The following ZNF181 variants were observed in gnomAD, a reference collection of about 807,000 sequenced individuals.
ZNF181 encodes the protein zinc finger protein 181 (HHZ181).
A neutral mutation model predicts 11.9 loss-of-function variants in ZNF181; 8 were observed. The ratio of observed to expected loss-of-function variants is 0.67; its 90% CI spans 0.39 to 1.21. ZNF181 has a LOEUF of 1.21. Among genes scored for constraint, ZNF181 ranks in the 50% most tolerant of loss-of-function variants. The pLI is 0.01. For synonymous variants in ZNF181, 202 were observed against 221.1 expected (o/e 0.91, Z 0.77); for missense variants, 542 against 670.9 (o/e 0.81, Z 2.12).
In ZNF181 at chr19:34,743,924, C is replaced by T. The variant is rs965080848; in HGVS notation, c.*1827C>T. The T allele has an allele frequency of 3.3e-5, 5 of 152,218 alleles. No homozygotes were observed. The highest frequency in any genetic ancestry group is 1.2e-4 in the African/African-American group (5 of 41,456). 9.4% of individuals were successfully genotyped at this position (152,218 alleles called of 1,614,324 possible). A position where few individuals can be genotyped will look rare whatever the true frequency, so the allele number is the denominator to read the frequency against. On this transcript the variant is annotated 3_prime_UTR_variant, in exon 4 of 4. Transcript: ENST00000492450. ...CTAGATAAGAAATGGAACAGTCTCA[C>T]TGGCCCTGTGATTAGAATCCTATCT...
In ZNF181 at chr19:34,743,712, T is replaced by A. The variant is rs1487356664; in HGVS notation, c.*1615T>A. The A allele has an allele frequency of 6.6e-6, 1 of 152,148 alleles. No homozygotes were observed. The highest frequency in any genetic ancestry group is 1.5e-5 in the Non-Finnish European group (1 of 68,022). The allele number at this position is 152,148 out of a possible 1,614,324, so 9.4% of individuals were successfully genotyped here. ...TATCCCTGAGTCATAGTTACGGGAG[T>A]TTACCTTGAAATCACTAGCCCAGAA... On this transcript the variant is annotated 3_prime_UTR_variant, in exon 4 of 4. Coordinates refer to ENST00000492450, the MANE Select transcript of ZNF181 (RefSeq NM_001029997.4).
chr19:34,745,199 T>TTTCTTTTTA lies in ZNF181; in HGVS notation c.*3102_*3103insTTCTTTTTA, dbSNP rs1435548961. ...GGCTTAATAGATAAGAAACACTCCA[T>TTTCTTTTTA]ACCCTTTAAGAGCCCTGAGGTGTGT... is the stretch of plus-strand genomic sequence containing the variant. On this transcript the variant is annotated 3_prime_UTR_variant, in exon 4 of 4. Coordinates refer to ENST00000492450, the MANE Select transcript of ZNF181 (RefSeq NM_001029997.4). The TTTCTTTTTA allele has an allele frequency of 6.6e-6, 1 of 152,158 alleles. No homozygotes were observed. Among genetic ancestry groups the TTTCTTTTTA allele is most frequent in the African/African-American group, 2.4e-5 (1 of 41,450 alleles). The allele number at this position is 152,158 out of a possible 1,614,324, so 9.4% of individuals were successfully genotyped here. A position where few individuals can be genotyped will look rare whatever the true frequency, so the allele number is the denominator to read the frequency against.
In ZNF181 at chr19:34,742,593, G is replaced by A. The variant is rs2068996859; in HGVS notation, c.*496G>A. ...ATGGTAGAACAACCTGAAGGATTTA[G>A]GAGTTATGTGTAAATCTTTGCAGTC... On this transcript the variant is annotated 3_prime_UTR_variant, in exon 4 of 4. Transcript: ENST00000492450. 1 of 152,416 alleles carries A rather than the reference G, an allele frequency of 6.6e-6. No individual in the cohort carries two copies. The highest frequency in any genetic ancestry group is 2.4e-5 in the African/African-American group (1 of 41,464). The allele number at this position is 152,416 out of a possible 1,614,324, so 9.4% of individuals were successfully genotyped here.
At chr19:34,739,467 A>G (rs1191624897) in intron 2 of ZNF181, 56 bp from the exon 3 acceptor site, 3 of 1,604,580 alleles carry the variant, frequency 1.9e-6, no homozygotes, top group South Asian at 1.1e-5. Flanking sequence ...CCCTCTTGTG[A>G]TGGCCTCTCA....
intron 1 of ZNF181, chr19:34,736,086 A>G (rs1568481846): frequency 1.0e-5 from 7 of 702,484 alleles, no homozygotes; most frequent in Non-Finnish European, 1.8e-5. Flanking sequence ...TTCAGTACCC[A>G]GAGGGTTACC....
Position 34,734,963 on chromosome 19 carries a change from C to A in ZNF181, c.-75C>A. On this transcript the variant is annotated 5_prime_UTR_variant, in exon 1 of 4. Coordinates refer to ENST00000492450, the MANE Select transcript of ZNF181 (RefSeq NM_001029997.4). ...GACTGCTTTTTCCTGCCCTTCTGTG[C>A]CCTCAGGACACTGCCCATCTCTAAG... 2 of 1,488,058 alleles carry A rather than the reference C, an allele frequency of 1.3e-6. No individual in the cohort carries two copies. Among genetic ancestry groups the A allele is most frequent in the Admixed American group, 2.2e-5 (1 of 46,324 alleles). 92.2% of individuals were successfully genotyped at this position (1,488,058 alleles called of 1,614,324 possible). A position where few individuals can be genotyped will look rare whatever the true frequency, so the allele number is the denominator to read the frequency against.
chr19:34,741,748 T>G lies in ZNF181; in HGVS notation c.1367T>G (p.Ile456Ser), dbSNP rs149538866. Residue 456 changes from isoleucine (I) to serine (S), a missense_variant, in exon 4 of 4, where the codon ATT (isoleucine) becomes AGT (serine). By Grantham distance (142) the Ile-to-Ser change is moderately radical (BLOSUM62 -2). Transcript: ENST00000492450. ...CTGAATATGCATTTGAGAAATCACA[T>G]TAGATTGAAACCCTACGAATGCAGT... Reference protein sequence around the residue: ...ESLNMHLRNHIRLKPYECSIC... With the variant: ...ESLNMHLRNHSRLKPYECSIC... The G allele has an allele frequency of 5.1e-5, 83 of 1,613,796 alleles. No individual in the cohort carries two copies. The highest frequency in any genetic ancestry group is 7.0e-5 in the Non-Finnish European group (83 of 1,179,930).
At chr19:34,738,606 C>T (rs1327621601) in intron 1 of ZNF181, among the ~76,000 whole-genome samples, 2 of 151,268 alleles carry the variant, frequency 1.3e-5, no homozygotes, top group Non-Finnish European at 2.9e-5. Context: ...TGCAGTGGCG[C>T]AACCTCCGCC....
Position 34,739,550 on chromosome 19 carries a change from T to G in ZNF181, c.158T>G (p.Val53Gly), listed in dbSNP as rs766831506. ...GGTCTTTCTGTAACTAAGCCATATGTGATCACGTTATTGGAGGATGGAAAA... is the reference window on the plus strand; with the variant it reads ...GGTCTTTCTGTAACTAAGCCATATGGGATCACGTTATTGGAGGATGGAAAA... The part of the protein sequence containing the change: ...VAGLSVTKPY[V>G]ITLLEDGKEP... Residue 53 changes from valine to glycine, a missense_variant, in exon 3 of 4, where the codon GTG becomes GGG. Transcript: ENST00000492450. 6 of 1,614,106 alleles carry G rather than the reference T, an allele frequency of 3.7e-6. No individual in the cohort carries two copies. Among genetic ancestry groups the G allele is most frequent in the Middle Eastern group, 1.7e-4 (1 of 6,060 alleles).
At chr19:34,735,169 C>T (rs1335816478) in intron 1 of ZNF181, 123 bp downstream of exon 1, 12 of 1,139,308 alleles carry the variant, frequency 1.1e-5, no homozygotes, top group East Asian at 7.8e-5. Context: ...TGGTTCCTTT[C>T]AGTATAGGAA....
At position 34,736,091 on chromosome 19, in the gene ZNF181, G is replaced by T. The variant is rs1270777789; in HGVS notation, c.9+1045G>T. On this transcript the variant is annotated intron_variant, in intron 1 of 3. Transcript: ENST00000492450. ...CTGTTATAGCTTCAGTACCCAGAGG[G>T]TTACCTGGCACCAAATAGATGCTTA... The T allele has an allele frequency of 4.3e-6, 3 of 702,736 alleles. No homozygotes were observed. In the Admixed American group the frequency reaches 6.0e-5, roughly 14 times the overall value. The allele number at this position is 702,736 out of a possible 1,614,324, so 43.5% of individuals were successfully genotyped here. A position where few individuals can be genotyped will look rare whatever the true frequency, so the allele number is the denominator to read the frequency against.
At chr19:34,735,403 A>G (rs1252786202) in intron 1 of ZNF181, among the ~76,000 whole-genome samples, 2 of 152,158 alleles carry the variant, frequency 1.3e-5, no homozygotes, top group Non-Finnish European at 2.9e-5. Flanking sequence ...CTTCCCTTTG[A>G]CTTATACCTA....
intron 1 of ZNF181, among the ~76,000 whole-genome samples, chr19:34,738,550 G>GTT (rs896365038): frequency 3.5e-5 from 5 of 143,196 alleles, no homozygotes; most frequent in African/African-American, 1.3e-4. Flanking sequence ...TTTTGTTTTT[G>GTT]TTTTTTTTTT....
chr19:34,737,136 C>G (rs188720882), intron 1 of ZNF181, among the ~76,000 whole-genome samples: 17 of 152,290 alleles, frequency 1.1e-4, no homozygotes, highest in African/African-American at 4.1e-4. Context: ...CTTTTAATCT[C>G]ATTAGTGGAT....
At position 34,743,893 on chromosome 19, in the gene ZNF181, T is replaced by TA. The variant is rs1351273116; in HGVS notation, c.*1798dup. 8 of 152,248 alleles carry TA rather than the reference T, an allele frequency of 5.3e-5. No individual in the cohort carries two copies. The highest frequency in any genetic ancestry group is 1.2e-4 in the Non-Finnish European group (8 of 68,038). 9.4% of individuals were successfully genotyped at this position (152,248 alleles called of 1,614,324 possible). ...GGAGGCAGGATGGCTTCAAATATTCTAAGTTCTAGATAAGAAATGGAACAG... is the reference window on the plus strand; with the variant it reads ...GGAGGCAGGATGGCTTCAAATATTCTAAAGTTCTAGATAAGAAATGGAACAG... On this transcript the variant is annotated 3_prime_UTR_variant, in exon 4 of 4. Coordinates refer to ENST00000492450, the MANE Select transcript of ZNF181 (RefSeq NM_001029997.4).
chr19:34,736,293 T>C, intron 1 of ZNF181: 1 of 645,984 alleles, frequency 1.5e-6, no homozygotes, highest in Non-Finnish European at 2.8e-6. Context: ...TGGTGGTACA[T>C]GCCTGTTTTT....
chr19:34,740,913 G>A lies in ZNF181; in HGVS notation c.532G>A (p.Ala178Thr). 6.2e-7 allele frequency: 1 copy of A among 1,613,922 alleles called. No individual in the cohort carries two copies. Among genetic ancestry groups the A allele is most frequent in the Non-Finnish European group, 8.5e-7 (1 of 1,179,938 alleles). The change falls in exon 4 of 4, where the codon GCT (alanine) becomes ACT (threonine). Residue 178 changes from alanine (A) to threonine (T), a missense_variant. Transcript: ENST00000492450. ...TCTTTCTGAACCACAAAAAATTTCT[G>A]CTGAAGGGAATTCACACAAATATGA... Reference protein sequence around the residue: ...STLSEPQKISAEGNSHKYDIL... With the variant: ...STLSEPQKISTEGNSHKYDIL...
Position 34,741,353 on chromosome 19 carries a change from G to T in ZNF181, c.972G>T (p.Met324Ile), listed in dbSNP as rs1380918717. ...THTGEKPYEC[M>I]NCGKSFSRVS... ...CTGGAGAGAAACCATATGAATGTAT[G>T]AACTGTGGAAAGTCTTTTAGTCGTG... The change falls in exon 4 of 4, where the codon ATG becomes ATT. Residue 324 changes from methionine to isoleucine, a missense_variant. Coordinates refer to ENST00000492450, the MANE Select transcript of ZNF181 (RefSeq NM_001029997.4). 1 of 1,613,802 alleles carries T rather than the reference G, an allele frequency of 6.2e-7. No homozygotes were observed. Among genetic ancestry groups the T allele is most frequent in the African/African-American group, 1.3e-5 (1 of 75,006 alleles).
At chr19:34,738,609 C>A (rs1443951099) in intron 1 of ZNF181, among the ~76,000 whole-genome samples, 1 of 150,862 alleles carries the variant, frequency 6.6e-6, no homozygotes, top group African/African-American at 2.4e-5. Context: ...AGTGGCGCAA[C>A]CTCCGCCTCT....
Sources: allele counts gnomAD v4.1 joint callset (sites outside exome capture counted in the v4.1 genomes callset), GRCh38; gene constraint gnomAD v4.1.1; transcripts MANE v1.5; gene names NCBI Gene and HGNC (gene_info 2026-07-23, HGNC 2026-07-21).